The following CDNF variants were observed in gnomAD, a reference collection of about 807,000 sequenced individuals.
The protein encoded by CDNF is cerebral dopamine neurotrophic factor.
CDNF carries 9 observed loss-of-function variants against 14.8 expected under a neutral mutation model. That is an observed-to-expected ratio of 0.61 (90% CI 0.37 to 1.06). The LOEUF (loss-of-function observed/expected upper bound fraction) is 1.06, where lower values mean the gene tolerates loss of function less well. CDNF is among the 50% of genes least tolerant of loss of function. The pLI is 0.01. For synonymous variants in CDNF, 86 were observed against 87.2 expected, an observed-to-expected ratio of 0.99 and a Z score of 0.07; for missense variants, 228 against 228.4, an observed-to-expected ratio of 1.00 and a Z score of 0.01.
At chr10:14,829,605 CTG>C (rs1833827143) in intron 1 of CDNF, among the ~76,000 whole-genome samples, 2 of 152,004 alleles carry the variant, frequency 1.3e-5, no homozygotes, top group South Asian at 4.2e-4. Flanking sequence ...ATTTCAATAT[CTG>C]AAGTCTTCAG....
intron 2 of CDNF, among the ~76,000 whole-genome samples, chr10:14,826,445 G>GA (rs1564313810): frequency 8.9e-5 from 13 of 145,618 alleles, no homozygotes; most frequent in African/African-American, 1.3e-4. Context: ...GAAAGAAGCA[G>GA]AAGAAGCAGA....
At position 14,833,484 on chromosome 10, in the gene CDNF, T is replaced by C. The variant is rs114137966; in HGVS notation, c.115+4348A>G. Among the ~76,000 whole-genome samples, 437 of 152,342 alleles carry C rather than the reference T, an allele frequency of 2.9e-3. 2 individuals are homozygous for C. The highest frequency in any genetic ancestry group is 0.01 in the African/African-American group (420 of 41,588). On this transcript the variant is annotated intron_variant, in intron 1 of 3. Transcript: ENST00000465530. ...CACAATCTTGTGAGCCAATTCCTTA[T>C]AATAAATCTCTTTTTACATAGATAA... is the stretch of plus-strand genomic sequence containing the variant.
At chr10:14,830,674 C>T (rs1447472937) in intron 1 of CDNF, among the ~76,000 whole-genome samples, 5 of 152,058 alleles carry the variant, frequency 3.3e-5, no homozygotes, top group Admixed American at 6.6e-5. Flanking sequence ...GATGAAACCC[C>T]GTCTCTACTA....
At chr10:14,836,521 A>C (rs970229664) in intron 1 of CDNF, among the ~76,000 whole-genome samples, 4 of 152,250 alleles carry the variant, frequency 2.6e-5, no homozygotes, top group Non-Finnish European at 4.4e-5. Context: ...GTTTGGAGCA[A>C]AATTATAACT....
In CDNF at chr10:14,825,800, A is replaced by G. The variant is rs1002605329; in HGVS notation, c.244-180T>C. On this transcript the variant is annotated intron_variant, in intron 2 of 3. Coordinates refer to ENST00000465530, the MANE Select transcript of CDNF (RefSeq NM_001029954.3). ...GATCATTTGAGGTCAGGAGTTCTAG[A>G]CCAGCCTGGTCAACATGGTGAAACC... Among the ~76,000 whole-genome samples the G allele has an allele frequency of 2.0e-5, 3 of 151,912 alleles. No individual in the cohort carries two copies. In the South Asian group the frequency reaches 6.2e-4, roughly 32 times the overall value.
Position 14,837,830 on chromosome 10 carries a change from A to G in CDNF, c.115+2T>C. On this transcript the variant is annotated splice_donor_variant, in intron 1 of 3. Coordinates refer to ENST00000465530, the MANE Select transcript of CDNF (RefSeq NM_001029954.3). LOFTEE classifies it high-confidence loss of function. Reference sequence around the variant, plus strand: ...CATGCAAGCAGTTGTCACACCGCTCACCTTCACAGTCGGCCCCTGGCCGCC... The same window carrying G: ...CATGCAAGCAGTTGTCACACCGCTCGCCTTCACAGTCGGCCCCTGGCCGCC... The G allele has an allele frequency of 6.4e-7, 1 of 1,568,044 alleles. No individual in the cohort carries two copies. Among genetic ancestry groups the G allele is most frequent in the Non-Finnish European group, 8.7e-7 (1 of 1,154,484 alleles).
intron 2 of CDNF, among the ~76,000 whole-genome samples, chr10:14,826,192 AGC>A (rs1833789097): frequency 7.6e-6 from 1 of 131,844 alleles, no homozygotes; most frequent in African/African-American, 3.1e-5. Flanking sequence ...AAGCAGAAGC[AGC>A]AGAAGAAGAA....
At chr10:14,829,625 TTTG>T (rs1277066174) in intron 1 of CDNF, among the ~76,000 whole-genome samples, 1 of 151,640 alleles carries the variant, frequency 6.6e-6, no homozygotes, top group Non-Finnish European at 1.5e-5. Flanking sequence ...CAGAGTTTTT[TTTG>T]TTTGTTTGTT....
chr10:14,820,197 A>G (rs767541494), intron 3 of CDNF, 39 bp from the exon 4 acceptor site: 1 of 1,598,702 alleles, frequency 6.3e-7, no homozygotes, highest in South Asian at 1.1e-5. Flanking sequence ...TACAAAATAA[A>G]TGGAAAAAAA....
rs1833911415 is a variant in CDNF, at chr10:14,838,017, G to GCAGA, written c.-75_-72dup. 5.9e-6 allele frequency: 7 copies of GCAGA among 1,188,000 alleles called. No individual in the cohort carries two copies. The East Asian group carries it at 1.5e-4, about 26-fold the overall frequency. 73.6% of individuals were successfully genotyped at this position (1,188,000 alleles called of 1,614,324 possible). On this transcript the variant is annotated 5_prime_UTR_variant, in exon 1 of 4. Transcript: ENST00000465530. ...CCACCAAGCTGCCAAAGCGAGCTGA[G>GCAGA]CAGAATTCGAGGTTGGAAAGAATCT... is the stretch of plus-strand genomic sequence containing the variant.
chr10:14,826,461 A>AAGCAGAAGAAG lies in CDNF; in HGVS notation c.244-842_244-841insCTTCTTCTGCT, dbSNP rs761441372. Among the ~76,000 whole-genome samples, 420 of 144,032 alleles carry AAGCAGAAGAAG rather than the reference A, an allele frequency of 2.9e-3. 2 individuals carry two copies. The highest frequency in any genetic ancestry group is 0.011 in the African/African-American group (400 of 35,428). The allele number at this position is 144,032 out of a possible 152,430, so 94.5% of individuals were successfully genotyped here. ...AAAGAAGCAGAAGAAGCAGAAGAAG[A>AAGCAGAAGAAG]AAGAAGCAGAAGAAGAAGAAAAAGA... is the stretch of plus-strand genomic sequence containing the variant. On this transcript the variant is annotated intron_variant, in intron 2 of 3. Coordinates refer to ENST00000465530, the MANE Select transcript of CDNF (RefSeq NM_001029954.3).
rs1564313303 is a variant in CDNF at position 14,826,037 on chromosome 10, GAAGAAGAAGA to G, written c.244-427_244-418del. On this transcript the variant is annotated intron_variant, in intron 2 of 3. Transcript: ENST00000465530. ...AGCAGAAGAAGAAGAAGGAGAAGAA[GAAGAAGAAGA>G]AGAAGAAGAAGAAGAAGAAGAAGAA... is the stretch of plus-strand genomic sequence containing the variant. Among the ~76,000 whole-genome samples, 5 of 75,006 alleles carry G rather than the reference GAAGAAGAAGA, an allele frequency of 6.7e-5. No individual in the cohort carries two copies. In the East Asian group the frequency reaches 1.2e-3, roughly 19 times the overall value. The allele number at this position is 75,006 out of a possible 152,430, so 49.2% of individuals were successfully genotyped here.
rs1262348439 is a variant in CDNF at position 14,828,244 on chromosome 10, G to A, written c.144C>T (p.Tyr48=). Residue 48 remains tyrosine (Y), a synonymous_variant, in exon 2 of 4, where the codon TAC becomes TAT. Transcript: ENST00000465530. ...EVCKEFLNRF[Y]KSLIDRGVNF... ...TAACTCCTCTGTCTATCAGTGACTTGTAGAATCGGTTCAAGAATTCTTTAC... is the reference window on the plus strand; with the variant it reads ...TAACTCCTCTGTCTATCAGTGACTTATAGAATCGGTTCAAGAATTCTTTAC... 6.2e-7 allele frequency: 1 copy of A among 1,613,392 alleles called. No homozygotes were observed. The highest frequency in any genetic ancestry group is 8.5e-7 in the Non-Finnish European group (1 of 1,179,420).
intron 1 of CDNF, among the ~76,000 whole-genome samples, chr10:14,828,843 T>TA (rs145985696): frequency 0.04 from 5,775 of 146,040 alleles, 379 homozygotes; most frequent in African/African-American, 0.13. Context: ...TTGTCTCTAC[T>TA]AAAAAAAAAA....
Position 14,837,907 on chromosome 10 carries a change from C to A in CDNF, c.40G>T (p.Ala14Ser). The A allele has an allele frequency of 6.2e-7, 1 of 1,607,028 alleles. No homozygotes were observed. Residue 14 changes from alanine to serine, a missense_variant, in exon 1 of 4, where the codon GCC becomes TCC. Transcript: ENST00000465530. ...ACCGGGTGAGAGACCAAAAGCCCGGCGCAAAAGGCCACCACAGCAACTGGG... is the reference window on the plus strand; with the variant it reads ...ACCGGGTGAGAGACCAAAAGCCCGGAGCAAAAGGCCACCACAGCAACTGGG... ...ASPVAVVAFC[A>S]GLLVSHPVLT... is the part of the protein sequence containing the mutation.
At chr10:14,833,842 C>A (rs557302497) in intron 1 of CDNF, among the ~76,000 whole-genome samples, 1 of 151,870 alleles carries the variant, frequency 6.6e-6, no homozygotes, top group African/African-American at 2.4e-5. Flanking sequence ...AAAGGAGCAG[C>A]CAGTGAAGTA....
At chr10:14,835,688 T>C (rs1171269880) in intron 1 of CDNF, among the ~76,000 whole-genome samples, 2 of 152,230 alleles carry the variant, frequency 1.3e-5, no homozygotes, top group African/African-American at 4.8e-5. Context: ...TAAAAAGTTA[T>C]TTAAAATAGT....
intron 1 of CDNF, among the ~76,000 whole-genome samples, chr10:14,834,828 G>T (rs1384955546): frequency 2.0e-5 from 3 of 152,190 alleles, no homozygotes; most frequent in Non-Finnish European, 4.4e-5. Flanking sequence ...TGATAGCCCT[G>T]CCAGGGGACT....
chr10:14,824,633 T>C (rs1833764593), intron 3 of CDNF, among the ~76,000 whole-genome samples: 1 of 145,028 alleles, frequency 6.9e-6, no homozygotes, highest in Non-Finnish European at 1.5e-5. Flanking sequence ...AAAAAGGACA[T>C]CTCCTTCCTT....
Sources: allele counts gnomAD v4.1 joint callset (sites outside exome capture counted in the v4.1 genomes callset), GRCh38; gene constraint gnomAD v4.1.1; transcripts MANE v1.5; gene names NCBI Gene and HGNC (gene_info 2026-07-23, HGNC 2026-07-21).